ARAP1: variants seen among roughly 807,000 people sequenced by gnomAD.
ARAP1 encodes ArfGAP with RhoGAP domain, ankyrin repeat and PH domain 1.
In ARAP1, 76 loss-of-function variants were observed where a neutral mutation model predicts 172.2. The ratio of observed to expected loss-of-function variants is 0.44; its 90% CI spans 0.37 to 0.53. The LOEUF is 0.53. Ranked by LOEUF, ARAP1 falls within the 20% of genes least tolerant of loss-of-function variation. The pLI is 0.00. For missense variants in ARAP1, 1,686 were observed against 1,977.5 expected (o/e 0.85, Z 2.80); for synonymous variants, 804 against 803.3 (o/e 1.00, Z -0.01).
chr11:72,699,521 G>A lies in ARAP1; in HGVS notation c.2334C>T (p.Asp778=), dbSNP rs141500368. 9.4e-5 allele frequency: 152 copies of A among 1,613,584 alleles called. No individual in the cohort carries two copies. The African/African-American group carries it at 1.2e-3, about 13-fold the overall frequency. The change falls in exon 17 of 35, where the codon GAC becomes GAT. Residue 778 remains aspartate, a synonymous_variant. Transcript: ENST00000393609. This position sits in a 1 kb window ranked among gnomAD's most constrained non-coding sequence, Gnocchi z 4.2. Reference sequence around the variant, plus strand: ...CATTCTCAAAGTAGCTCAGGACCCCGTCACCAAGGACACACCAGCGCCGGC... The same window carrying A: ...CATTCTCAAAGTAGCTCAGGACCCCATCACCAAGGACACACCAGCGCCGGC... ...EFSRRWCVLG[D]GVLSYFENER... is the part of the protein sequence containing the mutation.
rs1393767675 is a variant in ARAP1 at position 72,726,953 on chromosome 11, C to A, written c.176G>T (p.Arg59Leu). 3 of 1,597,874 alleles carry A rather than the reference C, an allele frequency of 1.9e-6. No homozygotes were observed. The highest frequency in any genetic ancestry group is 2.6e-6 in the Non-Finnish European group (3 of 1,172,628). The change falls in exon 3 of 35, where the codon CGC (arginine) becomes CTC (leucine). Residue 59 changes from arginine (R) to leucine (L), a missense_variant. Around this residue, in one of 5 missense-constraint regions of ARAP1, gnomAD observed 190 missense variants for 228.6 expected, o/e 0.83. Coordinates refer to ENST00000393609, the MANE Select transcript of ARAP1 (RefSeq NM_001040118.3). The surrounding 1 kb of genome is among the most constrained non-coding windows in gnomAD (Gnocchi z 6.5). ...GGCACGGAGCAGGCCAGCCAGGATG[C>A]GGCGGCGGTGACCAGGGAGTAGCAT... ...MGMLLPGHRR[R>L]ILAGLLRAHT...
At chr11:72,707,501 C>CT in intron 11 of ARAP1, 127 bp from the exon 12 acceptor site, 14 of 807,146 alleles carry the variant, frequency 1.7e-5, no homozygotes, top group Non-Finnish European at 2.7e-5. Context: ...GTGAGGCATC[C>CT]CACTCTGGTA....
intron 2 of ARAP1, among the ~76,000 whole-genome samples, chr11:72,731,519 C>T (rs1857868759): frequency 6.6e-6 from 1 of 152,244 alleles, no homozygotes; most frequent in Non-Finnish European, 1.5e-5. Flanking sequence ...TGAGGCCTCA[C>T]CAGAAGCTGA....
chr11:72,694,147 C>A (rs1409638337), intron 27 of ARAP1, among the ~76,000 whole-genome samples: 1 of 151,706 alleles, frequency 6.6e-6, no homozygotes. Context: ...CTCCCTCTCC[C>A]AATCCACACG....
At chr11:72,713,846 CAA>C (rs71469440) in intron 4 of ARAP1, among the ~76,000 whole-genome samples, 47 of 81,450 alleles carry the variant, frequency 5.8e-4, no homozygotes, top group African/African-American at 1.0e-3. Flanking sequence ...GACTCCATCT[CAA>C]AAAAAAAAAA....
In ARAP1 at chr11:72,703,168, A is replaced by C. The variant is rs2095658518; in HGVS notation, c.1993-89T>G. 3 of 1,323,268 alleles carry C rather than the reference A, an allele frequency of 2.3e-6. 1 individual carries two copies. Among genetic ancestry groups the C allele is most frequent in the East Asian group, 2.5e-5 (1 of 39,502 alleles). The allele number at this position is 1,323,268 out of a possible 1,614,324, so 82.0% of individuals were successfully genotyped here. On this transcript the variant is annotated intron_variant, in intron 14 of 34. Transcript: ENST00000393609. ...CGGGGGAGGAGAGGAAAGAAAAGGAAGGAGTCACCCAGGCCTGGAGCAGTC... is the reference window on the plus strand; with the variant it reads ...CGGGGGAGGAGAGGAAAGAAAAGGACGGAGTCACCCAGGCCTGGAGCAGTC...
At position 72,710,551 on chromosome 11, in the gene ARAP1, G is replaced by A. The variant is rs747667950; in HGVS notation, c.1250C>T (p.Ala417Val). The change falls in exon 10 of 35, where the codon GCC becomes GTC. Residue 417 changes from alanine to valine, a missense_variant. Transcript: ENST00000393609. This position sits in a 1 kb window ranked among gnomAD's most constrained non-coding sequence, Gnocchi z 4.3. The stretch of plus-strand genomic sequence containing the variant: ...GGCCCGGGCACGCTGCTCAGCCATG[G>A]CCTGCTGCAGGGCCTGCATCCACTC... ...RKEWMQALQQAMAEQRARARL... is the reference protein window; with the variant it reads ...RKEWMQALQQVMAEQRARARL... 1 of 1,611,146 alleles carries A rather than the reference G, an allele frequency of 6.2e-7. No homozygotes were observed. The highest frequency in any genetic ancestry group is 1.1e-5 in the South Asian group (1 of 91,078).
At chr11:72,698,489 G>C (rs1449668814) in intron 18 of ARAP1, among the ~76,000 whole-genome samples, 1 of 152,184 alleles carries the variant, frequency 6.6e-6, no homozygotes, top group Non-Finnish European at 1.5e-5. Flanking sequence ...GGTTCATCTG[G>C]GTCCCAGGTC....
rs766449005 is a variant in ARAP1, at chr11:72,705,862, G to A, written c.1752C>T (p.Val584=). 1.9e-6 allele frequency: 3 copies of A among 1,614,146 alleles called. No homozygotes were observed. Among genetic ancestry groups the A allele is most frequent in the Admixed American group, 1.7e-5 (1 of 60,020 alleles). Residue 584 remains valine, a synonymous_variant, in exon 13 of 35, where the codon GTC becomes GTT. Transcript: ENST00000393609. ...CCATCTTCAGGCTCCGCACCTTGGA[G>A]ACGCCAGCGCCCAGGCCACGGTGCT... ...AGEHRGLGAG[V]SKVRSLKMDR...
intron 14 of ARAP1, chr11:72,703,860 G>T: frequency 2.3e-6 from 1 of 426,132 alleles, no homozygotes; most frequent in South Asian, 2.9e-5. Context: ...ACTCTTTTTG[G>T]CAGGATTCAG....
intron 1 of ARAP1, among the ~76,000 whole-genome samples, chr11:72,746,915 T>C (rs1166347661): frequency 6.6e-6 from 1 of 152,158 alleles, no homozygotes; most frequent in Non-Finnish European, 1.5e-5. Context: ...GCCCTATGCA[T>C]TATGGGTTGG....
rs747825469 is a variant in ARAP1 at position 72,698,992 on chromosome 11, A to G, written c.2541+13T>C. On this transcript the variant is annotated intron_variant, in intron 18 of 34. Transcript: ENST00000393609. ...CAGACACCCTTACACCCACCCTGCT[A>G]CCCCAGGCTCACCTTAGCAATACAC... The G allele has an allele frequency of 1.2e-6, 2 of 1,613,346 alleles. No homozygotes were observed. The highest frequency in any genetic ancestry group is 2.7e-5 in the African/African-American group (2 of 74,820).
At chr11:72,747,772 G>GGGCCAC (rs1858411277) in intron 1 of ARAP1, among the ~76,000 whole-genome samples, 2 of 152,238 alleles carry the variant, frequency 1.3e-5, no homozygotes, top group Non-Finnish European at 1.5e-5. Flanking sequence ...CCCAGGGCCA[G>GGGCCAC]GGCCACGGGG....
chr11:72,749,242 A>T (rs984564678), intron 1 of ARAP1, among the ~76,000 whole-genome samples: 5 of 152,188 alleles, frequency 3.3e-5, no homozygotes, highest in Non-Finnish European at 7.3e-5. Context: ...CAAAGGAGGC[A>T]ATGAACACCT....
chr11:72,693,747 G>A lies in ARAP1; in HGVS notation c.3753C>T (p.Asp1251=). The A allele has an allele frequency of 3.7e-6, 6 of 1,610,866 alleles. No homozygotes were observed. Among genetic ancestry groups the A allele is most frequent in the Non-Finnish European group, 5.1e-6 (6 of 1,178,602 alleles). Residue 1251 remains aspartate, a synonymous_variant, in exon 28 of 35, where the codon GAC becomes GAT. Transcript: ENST00000393609. This position sits in a 1 kb window ranked among gnomAD's most constrained non-coding sequence, Gnocchi z 4.6. ...GGTGCTTCTTCACCACCAGGTGGCT[G>A]TCCGTGCCCAGCCCGTGCAGGATGG... ...VLPILHGLGT[D]SHLVVKKHQA...
intron 5 of ARAP1, 141 bp from the exon 6 acceptor site, chr11:72,712,709 C>A (rs764991732): frequency 7.2e-7 from 1 of 1,392,392 alleles, no homozygotes; most frequent in Non-Finnish European, 1.0e-6. Context: ...ACACTCCCCT[C>A]CCCCTGCCAG....
chr11:72,722,635 GC>G (rs779973217), intron 3 of ARAP1, among the ~76,000 whole-genome samples: 10 of 152,360 alleles, frequency 6.6e-5, no homozygotes, highest in Non-Finnish European at 1.2e-4. Flanking sequence ...TGGCTGGACT[GC>G]AGGGCAGTCA....
chr11:72,728,417 C>T (rs1857762937), intron 2 of ARAP1, among the ~76,000 whole-genome samples: 1 of 151,914 alleles, frequency 6.6e-6, no homozygotes. Flanking sequence ...CCCATCTTTA[C>T]TAGAATACAA....
intron 3 of ARAP1, among the ~76,000 whole-genome samples, chr11:72,722,875 T>G (rs12099027): frequency 1.3e-5 from 2 of 151,918 alleles, no homozygotes; most frequent in African/African-American, 4.8e-5. Context: ...GTCTGCGGCA[T>G]TTAAGAGCTG....
Sources: allele counts gnomAD v4.1 joint callset (sites outside exome capture counted in the v4.1 genomes callset), GRCh38; gene constraint gnomAD v4.1.1; regional missense constraint gnomAD v4.1.1; non-coding constraint Gnocchi (gnomAD v3.1); transcripts MANE v1.5; gene names NCBI Gene and HGNC (gene_info 2026-07-23, HGNC 2026-07-21).